The following STXBP6 variants were observed in gnomAD, a reference collection of about 807,000 sequenced individuals.
STXBP6 encodes syntaxin binding protein 6.
Under a neutral mutation model 26.9 loss-of-function variants are expected in STXBP6, and 21 were observed. The ratio of observed to expected loss-of-function variants is 0.78; its 90% CI spans 0.55 to 1.12. The LOEUF is 1.12. Among genes scored for constraint, STXBP6 ranks in the 50% most tolerant of loss-of-function variants. The pLI, the probability that STXBP6 is intolerant of heterozygous loss-of-function variation, is 0.00. For synonymous variants in STXBP6, 97 were observed against 92.6 expected, an observed-to-expected ratio of 1.05 and a Z score of -0.27; for missense variants, 232 against 257.9, an observed-to-expected ratio of 0.90 and a Z score of 0.69.
chr14:24,910,321 T>A (rs1212968514), intron 2 of STXBP6, among the ~76,000 whole-genome samples: 1 of 152,238 alleles, frequency 6.6e-6, no homozygotes, highest in African/African-American at 2.4e-5. Context: ...CTTCTCCATT[T>A]GATGTATTTG....
At chr14:24,900,492 T>G (rs1303511039) in intron 2 of STXBP6, among the ~76,000 whole-genome samples, 3 of 152,192 alleles carry the variant, frequency 2.0e-5, no homozygotes, top group Admixed American at 6.5e-5. Context: ...AAGTCCAAAA[T>G]AAACTCCAGG....
At chr14:24,820,930 C>G (rs12433081) in intron 4 of STXBP6, among the ~76,000 whole-genome samples, 28,596 of 152,038 alleles carry the variant, frequency 0.19, 4,493 homozygotes, top group African/African-American at 0.43. Flanking sequence ...CAGAATTGTG[C>G]GCAGACTAGC....
At chr14:25,036,048 T>A (rs972729980) in intron 1 of STXBP6, among the ~76,000 whole-genome samples, 9 of 151,600 alleles carry the variant, frequency 5.9e-5, no homozygotes, top group African/African-American at 2.2e-4. Flanking sequence ...TGAAACCCCG[T>A]CTCTACAAAA....
intron 2 of STXBP6, among the ~76,000 whole-genome samples, chr14:24,922,317 CCA>C (rs2072008850): frequency 6.6e-6 from 1 of 152,070 alleles, no homozygotes; most frequent in Non-Finnish European, 1.5e-5. Context: ...TTCTCCAAAG[CCA>C]CAGAGTGAGT....
chr14:24,850,137 A>G (rs767045194), intron 4 of STXBP6, among the ~76,000 whole-genome samples: 3 of 152,282 alleles, frequency 2.0e-5, no homozygotes, highest in African/African-American at 7.2e-5. Flanking sequence ...GACACGCACA[A>G]GGTGAAATAG....
intron 4 of STXBP6, among the ~76,000 whole-genome samples, chr14:24,821,696 C>T (rs1195249523): frequency 2.0e-5 from 3 of 152,282 alleles, no homozygotes; most frequent in African/African-American, 7.2e-5. Flanking sequence ...TCTCCCTCCA[C>T]TCAACTCCCT....
intron 5 of STXBP6, among the ~76,000 whole-genome samples, chr14:24,818,542 C>T (rs1385221135): frequency 3.3e-5 from 5 of 152,162 alleles, no homozygotes; most frequent in African/African-American, 7.2e-5. Flanking sequence ...AAACTAGCCC[C>T]GAGGTGCGTA....
intron 1 of STXBP6, among the ~76,000 whole-genome samples, chr14:25,004,861 C>T (rs916923756): frequency 1.3e-5 from 2 of 152,188 alleles, no homozygotes; most frequent in Non-Finnish European, 1.5e-5. Context: ...AGTGCAGTAA[C>T]AAGCACACAC....
chr14:24,968,387 T>C (rs1293769613), intron 2 of STXBP6, among the ~76,000 whole-genome samples: 2 of 151,960 alleles, frequency 1.3e-5, no homozygotes, highest in African/African-American at 4.8e-5. Context: ...ATTTATAGAC[T>C]TTGAGATGAG....
intron 2 of STXBP6, among the ~76,000 whole-genome samples, chr14:24,927,917 C>G (rs1249949929): frequency 6.6e-6 from 1 of 151,840 alleles, no homozygotes. Flanking sequence ...GGATTTAATT[C>G]TCATTAATCT....
At chr14:24,948,896 A>G (rs899947777) in intron 2 of STXBP6, among the ~76,000 whole-genome samples, 2 of 152,158 alleles carry the variant, frequency 1.3e-5, no homozygotes, top group Admixed American at 6.5e-5. Flanking sequence ...TGTTACAGAA[A>G]CCTATTACAC....
At chr14:24,919,207 G>A (rs914107197) in intron 2 of STXBP6, among the ~76,000 whole-genome samples, 2 of 151,860 alleles carry the variant, frequency 1.3e-5, no homozygotes, top group Admixed American at 6.6e-5. Context: ...AAGTATTTTC[G>A]GGGCAATTTC....
At chr14:24,932,135 A>G (rs113636486) in intron 2 of STXBP6, among the ~76,000 whole-genome samples, 66 of 152,276 alleles carry the variant, frequency 4.3e-4, no homozygotes, top group African/African-American at 1.4e-3. Context: ...TGGGCTGGGC[A>G]CGGTGGCTCA....
intron 2 of STXBP6, among the ~76,000 whole-genome samples, chr14:24,899,316 A>G (rs2071116743): frequency 6.6e-6 from 1 of 152,230 alleles, no homozygotes; most frequent in African/African-American, 2.4e-5. Flanking sequence ...CTAGGAAATA[A>G]GAAAATTCAA....
chr14:24,925,435 A>G (rs189780982), intron 2 of STXBP6, among the ~76,000 whole-genome samples: 1 of 152,320 alleles, frequency 6.6e-6, no homozygotes, highest in Non-Finnish European at 1.5e-5. Context: ...TAAAATAACA[A>G]TGCCAGAAAA....
chr14:24,918,525 C>G (rs2071860219), intron 2 of STXBP6, among the ~76,000 whole-genome samples: 1 of 145,132 alleles, frequency 6.9e-6, no homozygotes, highest in East Asian at 2.1e-4. Context: ...GTCTAAACAA[C>G]TAAATCTTGT....
chr14:24,996,292 A>G (rs1481678546), intron 1 of STXBP6, among the ~76,000 whole-genome samples: 1 of 152,186 alleles, frequency 6.6e-6, no homozygotes, highest in African/African-American at 2.4e-5. Flanking sequence ...TGTGCTGAGT[A>G]GATCATAACG....
At chr14:24,816,671 C>T (rs1202918390) in intron 5 of STXBP6, 3 of 152,134 alleles carry the variant, frequency 2.0e-5, no homozygotes, top group Non-Finnish European at 2.9e-5. Flanking sequence ...CCAGAGACCC[C>T]TTTGCCTTTG....
intron 1 of STXBP6, among the ~76,000 whole-genome samples, chr14:24,992,039 A>G (rs974942425): frequency 2.0e-5 from 3 of 152,206 alleles, no homozygotes. Flanking sequence ...TGCCAAGCAC[A>G]TTGTAGGGAA....
Sources: gnomAD v4.1 joint callset for allele counts (sites outside exome capture counted in the v4.1 genomes callset) on GRCh38, gnomAD v4.1.1 for gene constraint, MANE v1.5 for transcripts, NCBI Gene and HGNC (gene_info 2026-07-23, HGNC 2026-07-21) for gene names.